Variants in SYAP1 observed in about 807,000 individuals in gnomAD.
The protein encoded by SYAP1 is synapse associated protein 1.
In SYAP1, 3 loss-of-function variants were observed where a neutral mutation model predicts 29.6. That is an observed-to-expected ratio of 0.10 (90% CI 0.05 to 0.26). The LOEUF (loss-of-function observed/expected upper bound fraction) is 0.26, where lower values mean the gene tolerates loss of function less well. Ranked by LOEUF, SYAP1 falls within the 10% of genes least tolerant of loss-of-function variation. The probability of loss-of-function intolerance (pLI) is 1.00; values close to 1 mark genes in which losing one functional copy is unlikely to be tolerated. For missense variants in SYAP1, 217 were observed against 264.1 expected (o/e 0.82, Z 1.24); for synonymous variants, 102 against 102.7 (o/e 0.99, Z 0.04).
intron 1 of SYAP1, among the ~76,000 whole-genome samples, chrX:16,722,082 CAA>C (rs201224625): frequency 0.021 from 2,315 of 111,968 alleles, 62 homozygotes; most frequent in African/African-American, 0.07. Context: ...CTGTGAGAGA[CAA>C]GAGAGATGAT....
intron 1 of SYAP1, among the ~76,000 whole-genome samples, chrX:16,722,419 TCA>T (rs1925982396): frequency 9.2e-6 from 1 of 108,647 alleles, no homozygotes; most frequent in Non-Finnish European, 1.9e-5. Context: ...TCCCAGCTAC[TCA>T]AGAGGCTGAG....
At chrX:16,726,602 G>A (rs1008356284) in intron 1 of SYAP1, among the ~76,000 whole-genome samples, 1 of 111,440 alleles carries the variant, frequency 9.0e-6, no homozygotes, top group Non-Finnish European at 1.9e-5. Context: ...GTGAGTCCTG[G>A]CCTGCCGCAA....
At chrX:16,758,014 T>C (rs1926890811) in intron 8 of SYAP1, among the ~76,000 whole-genome samples, 1 of 111,498 alleles carries the variant, frequency 9.0e-6, no homozygotes, top group Non-Finnish European at 1.9e-5. Flanking sequence ...CAAAAGAGCA[T>C]TGCTTCTGGG....
At chrX:16,730,068 T>C (rs1320395547) in intron 1 of SYAP1, among the ~76,000 whole-genome samples, 1 of 111,978 alleles carries the variant, frequency 8.9e-6, no homozygotes, top group Non-Finnish European at 1.9e-5. Context: ...TGTAAAACTT[T>C]CTTCAGGCCG....
At chrX:16,751,146 G>C (rs1926720615) in intron 5 of SYAP1, among the ~76,000 whole-genome samples, 1 of 109,564 alleles carries the variant, frequency 9.1e-6, no homozygotes, top group African/African-American at 3.3e-5. Flanking sequence ...TAAGAACCTT[G>C]CATCCCTTCT....
intron 5 of SYAP1, among the ~76,000 whole-genome samples, chrX:16,747,820 C>T (rs1569251474): frequency 2.7e-5 from 3 of 112,173 alleles, no homozygotes; most frequent in South Asian, 3.6e-4. Context: ...CAATGGCTCA[C>T]GCCTGTAATC....
intron 1 of SYAP1, among the ~76,000 whole-genome samples, chrX:16,733,887 C>G (rs1039663535): frequency 9.1e-6 from 1 of 109,729 alleles, no homozygotes; most frequent in South Asian, 3.9e-4. Flanking sequence ...AGACTGGTCT[C>G]GAACTCCTGA....
chrX:16,723,963 C>T (rs1320691054), intron 1 of SYAP1, among the ~76,000 whole-genome samples: 1 of 111,944 alleles, frequency 8.9e-6, no homozygotes, highest in Non-Finnish European at 1.9e-5. Flanking sequence ...ATTGTTATAT[C>T]ATTTGCAAAT....
In SYAP1 at chrX:16,741,611, T is replaced by G. The variant is rs1926461202; in HGVS notation, c.362-105T>G. 6.7e-5 allele frequency: 35 copies of G among 519,169 alleles called. No homozygotes were observed. In the South Asian group the frequency reaches 1.2e-3, roughly 18 times the overall value. The allele number at this position is 519,169 out of a possible 1,213,427, so 42.8% of individuals were successfully genotyped here. A position where few individuals can be genotyped will look rare whatever the true frequency, so the allele number is the denominator to read the frequency against. ...GGAACTTATTGGTAAATTGCTACTT[T>G]TAGTGGTCATGCAGAAACTTTCATG... is the stretch of plus-strand genomic sequence containing the variant. On this transcript the variant is annotated intron_variant, in intron 3 of 8. Transcript: ENST00000380155.
chrX:16,760,481 C>A lies in SYAP1; in HGVS notation c.*122C>A. 1 of 758,413 alleles carries A rather than the reference C, an allele frequency of 1.3e-6. No individual in the cohort carries two copies. The highest frequency in any genetic ancestry group is 4.4e-5 in the South Asian group (1 of 22,491). The allele number at this position is 758,413 out of a possible 1,213,427, so 62.5% of individuals were successfully genotyped here. On this transcript the variant is annotated 3_prime_UTR_variant, in exon 9 of 9. Transcript: ENST00000380155. ...TAATTTTATGAAATTCAAAATTATT[C>A]TTTTTTCAAGTTGAAACTTGCCTCT...
Position 16,719,679 on chromosome X carries a change from C to T in SYAP1, c.-46C>T, listed in dbSNP as rs746550421. 6.8e-6 allele frequency: 8 copies of T among 1,182,413 alleles called. No individual in the cohort carries two copies. The East Asian group carries it at 2.1e-4, about 32-fold the overall frequency. On this transcript the variant is annotated 5_prime_UTR_variant, in exon 1 of 9. Coordinates refer to ENST00000380155, the MANE Select transcript of SYAP1 (RefSeq NM_032796.4). ...TGGAGTCAAAGGCAACCAGTGCTCG[C>T]TGCGGTCTCTGGGGATCGGGACCGC...
chrX:16,727,858 A>C (rs1435016462), intron 1 of SYAP1, among the ~76,000 whole-genome samples: 2 of 112,053 alleles, frequency 1.8e-5, no homozygotes, highest in African/African-American at 6.5e-5. Flanking sequence ...TTGGCTCCCT[A>C]AGTCAAGTTT....
At chrX:16,758,882 A>G (rs1051999320) in intron 8 of SYAP1, among the ~76,000 whole-genome samples, 6 of 109,903 alleles carry the variant, frequency 5.5e-5, no homozygotes, top group Non-Finnish European at 9.5e-5. Context: ...AGCTAAGTTT[A>G]AGGTTTATTT....
rs140238760 is a variant in SYAP1 at position 16,724,583 on chromosome X, T to A, written c.175+4684T>A. Among the ~76,000 whole-genome samples the A allele has an allele frequency of 1.7e-3, 191 of 111,204 alleles. 1 individual carries two copies. The highest frequency in any genetic ancestry group is 5.9e-3 in the African/African-American group (182 of 30,632). On this transcript the variant is annotated intron_variant, in intron 1 of 8. Transcript: ENST00000380155. ...GATGGGAGGGAGGTCCCAGGGTCAG[T>A]TCCATGGCTCAACGATATGATCAGG...
chrX:16,723,972 A>T (rs1028341539), intron 1 of SYAP1, among the ~76,000 whole-genome samples: 1 of 112,003 alleles, frequency 8.9e-6, no homozygotes, highest in Admixed American at 9.6e-5. Context: ...TCATTTGCAA[A>T]TTACAGAAAG....
chrX:16,746,051 GAA>G (rs1341598334), intron 5 of SYAP1, among the ~76,000 whole-genome samples: 1 of 108,615 alleles, frequency 9.2e-6, no homozygotes, highest in Non-Finnish European at 1.9e-5. Flanking sequence ...TCCAGACTCA[GAA>G]TAACAGTTAT....
intron 1 of SYAP1, among the ~76,000 whole-genome samples, chrX:16,729,595 C>T (rs1209787344): frequency 2.8e-5 from 3 of 108,975 alleles, no homozygotes; most frequent in African/African-American, 1.0e-4. Context: ...AAGCAATTCT[C>T]CTGTCTCAGC....
chrX:16,722,433 C>T (rs1925982903), intron 1 of SYAP1, among the ~76,000 whole-genome samples: 1 of 108,354 alleles, frequency 9.2e-6, no homozygotes, highest in African/African-American at 3.4e-5. Context: ...GAGGCTGAGG[C>T]GGGAGAATCG....
intron 1 of SYAP1, among the ~76,000 whole-genome samples, chrX:16,723,626 G>A (rs1284518521): frequency 8.9e-6 from 1 of 112,037 alleles, no homozygotes; most frequent in Non-Finnish European, 1.9e-5. Flanking sequence ...TTCTAAAATT[G>A]TATGAAATAT....
Sources: allele counts gnomAD v4.1 joint callset (sites outside exome capture counted in the v4.1 genomes callset), GRCh38; gene constraint gnomAD v4.1.1; transcripts MANE v1.5; gene names NCBI Gene and HGNC (gene_info 2026-07-23, HGNC 2026-07-21).